FANCA: variants seen among roughly 807,000 people sequenced by gnomAD.
FANCA encodes Fanconi anemia group A protein.
A neutral mutation model predicts 194.3 loss-of-function variants in FANCA; 236 were observed. The ratio of observed to expected loss-of-function variants is 1.21; its 90% CI spans 1.09 to 1.35. The LOEUF is 1.35. Ranked by LOEUF, FANCA falls within the 40% of genes most tolerant of loss-of-function variation. The pLI, the probability that FANCA is intolerant of heterozygous loss-of-function variation, is 0.00. For synonymous variants in FANCA, 1,014 were observed against 715.8 expected, an observed-to-expected ratio of 1.42 and a Z score of -6.65; for missense variants, 2,628 against 1,813.9, an observed-to-expected ratio of 1.45 and a Z score of -8.15.
intron 37 of FANCA, among the ~76,000 whole-genome samples, chr16:89,742,303 A>C (rs964955081): frequency 1.3e-5 from 2 of 151,998 alleles, no homozygotes; most frequent in Non-Finnish European, 2.9e-5. Context: ...AGAAAAAATT[A>C]CAAAATTAGC....
chr16:89,797,326 G>A (rs1436318800), intron 10 of FANCA, among the ~76,000 whole-genome samples: 1 of 151,134 alleles, frequency 6.6e-6, no homozygotes. Flanking sequence ...GTGAGACTCT[G>A]TCTCAAAAAA....
intron 2 of FANCA, 141 bp downstream of exon 2, chr16:89,815,736 G>A (rs904132996): frequency 8.1e-6 from 6 of 739,588 alleles, no homozygotes; most frequent in Admixed American, 3.8e-5. Context: ...CAGAACTCCC[G>A]GGCTCAGGCG....
intron 30 of FANCA, among the ~76,000 whole-genome samples, chr16:89,755,231 G>C (rs188061910): frequency 6.7e-6 from 1 of 148,936 alleles, no homozygotes; most frequent in Non-Finnish European, 1.5e-5. Flanking sequence ...TTTTTTTTGA[G>C]ACAGTCTCTC....
rs559656118 is a variant in FANCA at position 89,739,776 on chromosome 16, A to T, written c.3934+218T>A. On this transcript the variant is annotated intron_variant, in intron 39 of 42. Transcript: ENST00000389301. ...GGGTGGGTGTGGTGCAGAGAGAGGC[A>T]GTCCCCATGATAGGCCCATTGGTCC... The T allele has an allele frequency of 1.4e-5, 20 of 1,473,314 alleles. No individual in the cohort carries two copies. In the East Asian group the frequency reaches 2.5e-4, roughly 18 times the overall value. The allele number at this position is 1,473,314 out of a possible 1,614,324, so 91.3% of individuals were successfully genotyped here.
Position 89,737,723 on chromosome 16 carries a change from GTGA to G in FANCA, c.*875_*877del, listed in dbSNP as rs977738534. 27 of 1,601,104 alleles carry G rather than the reference GTGA, an allele frequency of 1.7e-5. No homozygotes were observed. In the African/African-American group the frequency reaches 3.5e-4, roughly 21 times the overall value. ...CATGTGCAGAAATGTCTTCCCAGCTGTGATGGTTTCACATTGTCATCGTCGTCC... is the reference window on the plus strand; with the variant it reads ...CATGTGCAGAAATGTCTTCCCAGCTGTGGTTTCACATTGTCATCGTCGTCC... On this transcript the variant is annotated 3_prime_UTR_variant, in exon 43 of 43. Coordinates refer to ENST00000389301, the MANE Select transcript of FANCA (RefSeq NM_000135.4).
intron 21 of FANCA, among the ~76,000 whole-genome samples, chr16:89,774,443 T>C (rs1013210169): frequency 2.0e-5 from 3 of 151,756 alleles, no homozygotes; most frequent in African/African-American, 7.3e-5. Flanking sequence ...GCTCTCAGGG[T>C]GGGTCGGCCG....
chr16:89,798,030 CCA>C (rs756202854), intron 10 of FANCA, among the ~76,000 whole-genome samples: 5 of 152,310 alleles, frequency 3.3e-5, no homozygotes, highest in Admixed American at 2.6e-4. Flanking sequence ...AAAGCCCTTG[CCA>C]CAGACTAAAC....
chr16:89,795,557 G>A (rs762740704), intron 11 of FANCA, among the ~76,000 whole-genome samples: 16 of 152,136 alleles, frequency 1.1e-4, no homozygotes, highest in Non-Finnish European at 1.9e-4. Context: ...AGAATTGCTT[G>A]AACCTGGGAG....
Position 89,805,273 on chromosome 16 carries a change from A to T in FANCA, c.709+7T>A. 1 of 1,609,406 alleles carries T rather than the reference A, an allele frequency of 6.2e-7. No homozygotes were observed. Among genetic ancestry groups the T allele is most frequent in the Non-Finnish European group, 8.5e-7 (1 of 1,175,918 alleles). Reference sequence around the variant, plus strand: ...ACCCAAGAACCCGCATCTTGTCATGAACGCACCAGAAAGCATGGCCCTGGC... The same window carrying T: ...ACCCAAGAACCCGCATCTTGTCATGTACGCACCAGAAAGCATGGCCCTGGC... On this transcript the variant is annotated splice_region_variant and intron_variant, in intron 7 of 42. Coordinates refer to ENST00000389301, the MANE Select transcript of FANCA (RefSeq NM_000135.4).
intron 35 of FANCA, 46 bp from the exon 36 acceptor site, chr16:89,745,117 C>CA: frequency 6.6e-7 from 1 of 1,507,584 alleles, no homozygotes; most frequent in Non-Finnish European, 8.9e-7. Flanking sequence ...CTGAGATGGA[C>CA]ACACCTCCGC....
In FANCA at chr16:89,792,014, C is replaced by T; in HGVS notation, c.1138G>A (p.Glu380Lys). ...CTCTGCCAGTGAACCTCCTGCGTTT[C>T]CAGAACTTCTTGCAAATGGCCAACC... is the stretch of plus-strand genomic sequence containing the variant. Reference protein sequence around the residue: ...ELVGHLQEVLETQEVHWQRVL... With the variant: ...ELVGHLQEVLKTQEVHWQRVL... The change falls in exon 13 of 43, where the codon GAA becomes AAA. Residue 380 changes from glutamate to lysine, a missense_variant. By Grantham distance (56) the Glu-to-Lys change is moderately conservative. Transcript: ENST00000389301. 1 of 1,614,192 alleles carries T rather than the reference C, an allele frequency of 6.2e-7. No homozygotes were observed.
chr16:89,801,819 C>T (rs2040464192), intron 8 of FANCA, among the ~76,000 whole-genome samples: 1 of 151,742 alleles, frequency 6.6e-6, no homozygotes. Context: ...ACCTGGGAGG[C>T]AGAGGTTGCA....
At chr16:89,792,095 A>G (rs547234361) in intron 12 of FANCA, 27 bp from the exon 13 acceptor site, 1 of 1,614,066 alleles carries the variant, frequency 6.2e-7, no homozygotes, top group South Asian at 1.1e-5. Flanking sequence ...CGCTCCCTTC[A>G]ATATCCAAGC....
At chr16:89,810,651 A>T in intron 5 of FANCA, 56 bp downstream of exon 5, 1 of 1,146,162 alleles carries the variant, frequency 8.7e-7, no homozygotes, top group East Asian at 2.3e-5. Flanking sequence ...CTCCATCCAG[A>T]TCAACAGAAC....
rs368372404 is a variant in FANCA, at chr16:89,740,794, T to C, written c.3828+10A>G. ...GGAGAGGACACCTTGGCTGGTAAGGTCTGACTTACATTTGAGGTCAGATGT... is the reference window on the plus strand; with the variant it reads ...GGAGAGGACACCTTGGCTGGTAAGGCCTGACTTACATTTGAGGTCAGATGT... On this transcript the variant is annotated intron_variant, in intron 38 of 42. Transcript: ENST00000389301. 7 of 1,612,778 alleles carry C rather than the reference T, an allele frequency of 4.3e-6. No individual in the cohort carries two copies. The African/African-American group carries it at 9.3e-5, about 22-fold the overall frequency.
In FANCA at chr16:89,779,991, C is replaced by A. The variant is rs563443410; in HGVS notation, c.1627-34G>T. On this transcript the variant is annotated intron_variant, in intron 17 of 42. Coordinates refer to ENST00000389301, the MANE Select transcript of FANCA (RefSeq NM_000135.4). ...CATACAGGGAGGAAAGGAAAAAGAA[C>A]AGAGGACTTTAAAGAAAAGACTGAG... 6.3e-6 allele frequency: 10 copies of A among 1,591,506 alleles called. No individual in the cohort carries two copies. In the South Asian group the frequency reaches 8.8e-5, roughly 14 times the overall value.
At chr16:89,784,519 C>T (rs2039831689) in intron 15 of FANCA, among the ~76,000 whole-genome samples, 1 of 151,854 alleles carries the variant, frequency 6.6e-6, no homozygotes, top group Non-Finnish European at 1.5e-5. Context: ...CGTCTCTCCA[C>T]GTCACCACTC....
intron 21 of FANCA, among the ~76,000 whole-genome samples, chr16:89,774,101 CAT>C (rs1567621806): frequency 1.3e-5 from 2 of 152,208 alleles, no homozygotes; most frequent in Admixed American, 6.6e-5. Flanking sequence ...AGATACGCTG[CAT>C]ATGTTTTTAA....
At chr16:89,800,412 A>G (rs1028313909) in intron 8 of FANCA, among the ~76,000 whole-genome samples, 2 of 152,240 alleles carry the variant, frequency 1.3e-5, no homozygotes, top group African/African-American at 4.8e-5. Flanking sequence ...CACAGACTGC[A>G]GTGTAGGCAA....
Sources: allele counts gnomAD v4.1 joint callset (sites outside exome capture counted in the v4.1 genomes callset), GRCh38; gene constraint gnomAD v4.1.1; transcripts MANE v1.5; gene names NCBI Gene and HGNC (gene_info 2026-07-23, HGNC 2026-07-21).